Variants in SYTL5 observed in about 807,000 individuals in gnomAD.
The protein encoded by SYTL5 is synaptotagmin like 5.
A neutral mutation model predicts 55.9 loss-of-function variants in SYTL5; 34 were observed. That is an observed-to-expected ratio of 0.61 (90% CI 0.46 to 0.81). The LOEUF is 0.81. SYTL5 is among the 30% of genes least tolerant of loss of function. The pLI is 0.00. For synonymous variants in SYTL5, 221 were observed against 188.7 expected (o/e 1.17, Z -1.40); for missense variants, 637 against 546.7 (o/e 1.17, Z -1.65).
the SYTL5 span, among the ~76,000 whole-genome samples, chrX:37,971,663 A>C: frequency 9.0e-6 from 1 of 111,617 alleles, no homozygotes; most frequent in African/African-American, 3.3e-5. Flanking sequence ...TTTGCAGGTC[A>C]ACCTTAGGAC....
chrX:37,918,101 C>A, the SYTL5 span, among the ~76,000 whole-genome samples: 1 of 111,350 alleles, frequency 9.0e-6, no homozygotes, highest in Non-Finnish European at 1.9e-5. Flanking sequence ...TTTATGGCCC[C>A]AATTGTCTCC....
chrX:37,944,874 A>T, the SYTL5 span, among the ~76,000 whole-genome samples: 1 of 112,369 alleles, frequency 8.9e-6, no homozygotes, highest in Non-Finnish European at 1.9e-5. Flanking sequence ...TACCTCATAA[A>T]TACTTATCTG....
the SYTL5 span, among the ~76,000 whole-genome samples, chrX:37,989,311 C>G: frequency 8.9e-6 from 1 of 111,892 alleles, no homozygotes; most frequent in East Asian, 2.8e-4. Context: ...AAGTTTTTGA[C>G]AATGTTATAT....
At chrX:38,057,784 A>G (rs1189896332) in intron 3 of SYTL5, among the ~76,000 whole-genome samples, 4 of 111,671 alleles carry the variant, frequency 3.6e-5, no homozygotes, top group African/African-American at 1.3e-4. Context: ...AATAAACAAT[A>G]TATGGATTTC....
chrX:38,005,295 A>G (rs765263901), upstream of SYTL5, among the ~76,000 whole-genome samples: 21 of 111,699 alleles, frequency 1.9e-4, no homozygotes, highest in Non-Finnish European at 3.2e-4. Context: ...TATGATCCCC[A>G]TTGTCCAATA....
intron 1 of SYTL5, among the ~76,000 whole-genome samples, chrX:38,029,131 C>CTTAT (rs1023555189): frequency 1.8e-5 from 2 of 111,957 alleles, no homozygotes; most frequent in African/African-American, 6.5e-5. Context: ...ACCTGTTGTG[C>CTTAT]TTATATTCCA....
At chrX:38,047,982 C>T (rs1339195115) in intron 2 of SYTL5, among the ~76,000 whole-genome samples, 5 of 110,411 alleles carry the variant, frequency 4.5e-5, no homozygotes, top group East Asian at 2.9e-4. Context: ...GTCAGGAGAT[C>T]GAGACCATCC....
chrX:38,103,036 C>G (rs1937120717), intron 10 of SYTL5: 19 of 1,154,008 alleles, frequency 1.6e-5, no homozygotes, highest in Non-Finnish European at 2.1e-5. Flanking sequence ...AGTTCTCAAG[C>G]AGGTTCTGAC....
the SYTL5 span, among the ~76,000 whole-genome samples, chrX:37,981,299 C>A: frequency 9.0e-6 from 1 of 111,446 alleles, no homozygotes; most frequent in Non-Finnish European, 1.9e-5. Flanking sequence ...GGGGACAGAA[C>A]AAATTTTATT....
intron 10 of SYTL5, among the ~76,000 whole-genome samples, chrX:38,103,837 C>A (rs57398364): frequency 0.11 from 11,711 of 111,285 alleles, 1,058 homozygotes; most frequent in African/African-American, 0.28. Context: ...TAGCACCTGA[C>A]TAGTCCATTC....
intron 2 of SYTL5, among the ~76,000 whole-genome samples, chrX:38,049,439 T>G (rs968455640): frequency 9.0e-6 from 1 of 111,445 alleles, no homozygotes; most frequent in Non-Finnish European, 1.9e-5. Flanking sequence ...GGTATTGTTA[T>G]GGGGGCTGCA....
At chrX:37,954,924 T>C in the SYTL5 span, among the ~76,000 whole-genome samples, 7 of 111,307 alleles carry the variant, frequency 6.3e-5, no homozygotes, top group Non-Finnish European at 1.1e-4. Flanking sequence ...AAAAATATTA[T>C]CAAAAATAGA....
the SYTL5 span, among the ~76,000 whole-genome samples, chrX:37,917,379 G>C: frequency 9.0e-6 from 1 of 111,098 alleles, no homozygotes; most frequent in Non-Finnish European, 1.9e-5. Flanking sequence ...TAATTTATTT[G>C]TATTTGTATG....
At chrX:37,933,402 A>G in the SYTL5 span, among the ~76,000 whole-genome samples, 4 of 111,468 alleles carry the variant, frequency 3.6e-5, no homozygotes, top group African/African-American at 1.3e-4. Flanking sequence ...GCCTACAATC[A>G]GTGAAAACCA....
chrX:37,966,397 C>T, the SYTL5 span, among the ~76,000 whole-genome samples: 1 of 108,794 alleles, frequency 9.2e-6, no homozygotes, highest in African/African-American at 3.3e-5. Flanking sequence ...CTCTGCTTCA[C>T]ACATTGTTAT....
At chrX:37,975,023 A>G in the SYTL5 span, among the ~76,000 whole-genome samples, 4 of 112,166 alleles carry the variant, frequency 3.6e-5, no homozygotes, top group African/African-American at 6.5e-5. Context: ...GCGTGAACAT[A>G]GTTTATTTGG....
At chrX:37,901,500 C>T in the SYTL5 span, among the ~76,000 whole-genome samples, 2 of 111,716 alleles carry the variant, frequency 1.8e-5, no homozygotes, top group East Asian at 2.8e-4. Context: ...ATTAAGCCTT[C>T]GCTCTGCAGC....
chrX:37,914,897 T>TTAAG, the SYTL5 span, among the ~76,000 whole-genome samples: 1 of 111,756 alleles, frequency 8.9e-6, no homozygotes, highest in South Asian at 3.8e-4. Context: ...TTTTGTGTTG[T>TTAAG]TAAGTATATT....
chrX:37,992,331 T>G, the SYTL5 span, among the ~76,000 whole-genome samples: 1 of 112,877 alleles, frequency 8.9e-6, no homozygotes, highest in African/African-American at 3.2e-5. Flanking sequence ...ACCTCTTCCT[T>G]GGGTCCTTGG....
Sources: gnomAD v4.1 joint callset for allele counts (sites outside exome capture counted in the v4.1 genomes callset) on GRCh38, gnomAD v4.1.1 for gene constraint, MANE v1.5 for transcripts, NCBI Gene and HGNC (gene_info 2026-07-23, HGNC 2026-07-21) for gene names.